HPS4: variants seen among roughly 807,000 people sequenced by gnomAD.
HPS4 encodes HPS4 biogenesis of lysosomal organelles complex 3 subunit 2, also known as BLOC-3 complex member HPS4.
HPS4 carries 44 observed loss-of-function variants against 70.3 expected under a neutral mutation model. The ratio of observed to expected loss-of-function variants is 0.63; its 90% CI spans 0.49 to 0.80. HPS4 has a LOEUF of 0.80. HPS4 is among the 30% of genes least tolerant of loss of function. The probability of loss-of-function intolerance (pLI) is 0.00; values close to 1 mark genes in which losing one functional copy is unlikely to be tolerated. For synonymous variants in HPS4, 377 were observed against 355.9 expected (o/e 1.06, Z -0.67); for missense variants, 873 against 884.4 (o/e 0.99, Z 0.16).
intron 7 of HPS4, among the ~76,000 whole-genome samples, chr22:26,470,466 C>A (rs893531751): frequency 6.6e-6 from 1 of 152,172 alleles, no homozygotes; most frequent in Non-Finnish European, 1.5e-5. Flanking sequence ...CCAGCATGCC[C>A]CATACTGAGA....
intron 2 of HPS4, chr22:26,479,604 C>T (rs1179083356): frequency 7.5e-7 from 1 of 1,332,958 alleles, no homozygotes. Context: ...ACACGAGTAG[C>T]TAGAAAAAAA....
At position 26,470,783 on chromosome 22, in the gene HPS4, G is replaced by A. The variant is rs1185101112; in HGVS notation, c.532C>T (p.Arg178Cys). The change falls in exon 7 of 14, where the codon CGC (arginine) becomes TGC (cysteine). Residue 178 changes from arginine to cysteine, a missense_variant. Physicochemically the swap from Arg to Cys is radical, Grantham distance 180. Transcript: ENST00000398145. ...GAGCGCTGGCAGGTCTGCAGAATGC[G>A]GGCTGCCTTCAGCAACAACAGGGGC... ...VEPLLLLKAA[R>C]ILQTCQRSPH... is the part of the protein sequence containing the mutation. The A allele has an allele frequency of 2.1e-5, 34 of 1,614,056 alleles. No homozygotes were observed. Among genetic ancestry groups the A allele is most frequent in the East Asian group, 4.5e-5 (2 of 44,892 alleles).
chr22:26,454,445 T>TTTTTG (rs1299179134), intron 13 of HPS4, among the ~76,000 whole-genome samples: 3 of 152,244 alleles, frequency 2.0e-5, no homozygotes, highest in Admixed American at 6.5e-5. Flanking sequence ...CTCATTGGTG[T>TTTTTG]TTTTGTTTTG....
At chr22:26,471,528 C>T (rs2089805519) in intron 6 of HPS4, 1 of 391,656 alleles carries the variant, frequency 2.6e-6, no homozygotes, top group African/African-American at 2.1e-5. Flanking sequence ...GCCTCCGGAG[C>T]TGCTGACACA....
chr22:26,473,738 T>A (rs1413011912), intron 4 of HPS4, among the ~76,000 whole-genome samples: 1 of 151,188 alleles, frequency 6.6e-6, no homozygotes, highest in Admixed American at 6.6e-5. Context: ...CGAGACACCG[T>A]CTCAAAAAAA....
chr22:26,470,979 T>C, intron 6 of HPS4, 166 bp from the exon 7 acceptor site: 2 of 1,408,060 alleles, frequency 1.4e-6, no homozygotes, highest in Non-Finnish European at 2.0e-6. Context: ...GGGACTATTC[T>C]ACCTCTCTAT....
At chr22:26,444,364 C>G (rs935556809) in exon 4 of HPS4, 28 of 152,102 alleles carry the variant, frequency 1.8e-4, no homozygotes, top group African/African-American at 6.3e-4. Context: ...CCAGTGTGTG[C>G]TAGTGAGGAG....
chr22:26,472,971 C>T (rs1336753637), intron 4 of HPS4, 32 bp from the exon 5 acceptor site: 1 of 1,590,100 alleles, frequency 6.3e-7, no homozygotes, highest in African/African-American at 1.3e-5. Context: ...AGACAAGCAT[C>T]TTCCTTCTCT....
At chr22:26,470,073 G>A (rs532521564) in intron 7 of HPS4, among the ~76,000 whole-genome samples, 2 of 152,382 alleles carry the variant, frequency 1.3e-5, no homozygotes, top group South Asian at 4.1e-4. Flanking sequence ...GTAGTTGCCT[G>A]CTCCTCAGGA....
rs754224646 is a variant in HPS4, at chr22:26,464,137, C to T, written c.1493G>A (p.Cys498Tyr). 7.4e-6 allele frequency: 12 copies of T among 1,614,164 alleles called. No homozygotes were observed. The highest frequency in any genetic ancestry group is 7.6e-6 in the Non-Finnish European group (9 of 1,180,062). Residue 498 changes from cysteine (C) to tyrosine (Y), a missense_variant, in exon 11 of 14, where the codon TGT becomes TAT. Physicochemically the swap from Cys to Tyr is radical, Grantham distance 194. Transcript: ENST00000398145. ...CAGACCAGGGGCTGCGTGGCTTTCA[C>T]AGACCCCATCAACATCCTCATCCAG... ...QGLDEDVDGV[C>Y]ESHAAPGLEC... is the part of the protein sequence containing the mutation.
chr22:26,468,676 A>C, intron 7 of HPS4, 53 bp from the exon 8 acceptor site: 1 of 1,538,596 alleles, frequency 6.5e-7, no homozygotes, highest in Non-Finnish European at 9.0e-7. Context: ...ACACCAAAAC[A>C]CTCCAAATTT....
downstream of HPS4, among the ~76,000 whole-genome samples, chr22:26,449,453 C>T (rs1157945227): frequency 2.6e-5 from 4 of 151,766 alleles, no homozygotes; most frequent in Non-Finnish European, 4.4e-5. Context: ...GCTTCGGCCT[C>T]CCGAGTAGCT....
chr22:26,444,589 T>G (rs771345508), exon 4 of HPS4: 1 of 152,182 alleles, frequency 6.6e-6, no homozygotes, highest in Non-Finnish European at 1.5e-5. Flanking sequence ...TTATGAGCAG[T>G]GTCAGATTTA....
downstream of HPS4, among the ~76,000 whole-genome samples, chr22:26,448,678 A>G (rs1483249374): frequency 1.3e-5 from 2 of 152,078 alleles, no homozygotes; most frequent in African/African-American, 4.8e-5. Flanking sequence ...ATTCCAAAGC[A>G]CTCTCTGGGT....
rs532764568 is a variant in HPS4, at chr22:26,479,439, G to C, written c.42-84C>G. 1.1e-5 allele frequency: 17 copies of C among 1,564,410 alleles called. No individual in the cohort carries two copies. In the African/African-American group the frequency reaches 1.5e-4, roughly 14 times the overall value. On this transcript the variant is annotated intron_variant, in intron 2 of 13. Coordinates refer to ENST00000398145, the MANE Select transcript of HPS4 (RefSeq NM_022081.6). ...AACACAGCTTCCTGTTTCCCAGCCC[G>C]AGGAGGGCTTATTACTGTGTTTGAA... is the stretch of plus-strand genomic sequence containing the variant.
intron 13 of HPS4, among the ~76,000 whole-genome samples, chr22:26,455,100 G>A (rs1300531996): frequency 1.3e-5 from 2 of 151,956 alleles, no homozygotes; most frequent in Admixed American, 6.5e-5. Context: ...TGGAGAGGAT[G>A]TGGAGAAATA....
At chr22:26,471,259 G>A in intron 6 of HPS4, 5 of 423,952 alleles carry the variant, frequency 1.2e-5, no homozygotes, top group South Asian at 8.7e-5. Flanking sequence ...TGGTGATACA[G>A]GTGGCTTGAT....
At chr22:26,458,651 AC>A (rs2086654498) in intron 11 of HPS4, 74 bp from the exon 12 acceptor site, 1 of 1,566,472 alleles carries the variant, frequency 6.4e-7, no homozygotes, top group African/African-American at 1.4e-5. Flanking sequence ...TTAACCACAG[AC>A]TTAGTTAAAA....
downstream of HPS4, among the ~76,000 whole-genome samples, chr22:26,448,830 G>A (rs2085041873): frequency 6.6e-6 from 1 of 152,186 alleles, no homozygotes; most frequent in African/African-American, 2.4e-5. Flanking sequence ...GTTGAAGAAA[G>A]ATCTAGAGTA....
Sources: gnomAD v4.1 joint callset for allele counts (sites outside exome capture counted in the v4.1 genomes callset) on GRCh38, gnomAD v4.1.1 for gene constraint, MANE v1.5 for transcripts, NCBI Gene and HGNC (gene_info 2026-07-23, HGNC 2026-07-21) for gene names.